TBC1D24: variants seen among roughly 807,000 people sequenced by gnomAD.
The protein encoded by TBC1D24 is TBC1 domain family member 24.
Under a neutral mutation model 50.7 loss-of-function variants are expected in TBC1D24, and 47 were observed. The observed-to-expected ratio is 0.93, with a 90% CI of 0.73 to 1.18. TBC1D24 has a LOEUF of 1.18. TBC1D24 is among the 50% of genes most tolerant of loss of function. The pLI, the probability that TBC1D24 is intolerant of heterozygous loss-of-function variation, is 0.00. For missense variants in TBC1D24, 688 were observed against 766.5 expected (o/e 0.90, Z 1.21); for synonymous variants, 324 against 335.2 (o/e 0.97, Z 0.36).
rs1324089934 is a variant in TBC1D24, at chr16:2,486,324, T to C, written c.-115-9710T>C. On this transcript the variant is annotated intron_variant, in intron 1 of 7. Transcript: ENST00000646147. The surrounding 1 kb of genome is among the most constrained non-coding windows in gnomAD (Gnocchi z 5.8). ...CGGCCTCATTTCCTCTTCCTCTTCA[T>C]TCCCGGTCCCACTCCCAGGAAATGG... Among the ~76,000 whole-genome samples the C allele has an allele frequency of 1.3e-5, 2 of 152,160 alleles. No homozygotes were observed. The highest frequency in any genetic ancestry group is 6.5e-5 in the Admixed American group (1 of 15,278).
chr16:2,501,889 T>G lies in TBC1D24; in HGVS notation c.*931T>G, dbSNP rs1164866728. 6.6e-6 allele frequency: 1 copy of G among 152,582 alleles called. No individual in the cohort carries two copies. Among genetic ancestry groups the G allele is most frequent in the Non-Finnish European group, 1.5e-5 (1 of 68,296 alleles). 9.5% of individuals were successfully genotyped at this position (152,582 alleles called of 1,614,324 possible). ...TCCAGCCCAGGCCTCCTTGAGCTCC[T>G]GTAGCCTCTGCAGCTGCCCATTTCA... is the stretch of plus-strand genomic sequence containing the variant. On this transcript the variant is annotated 3_prime_UTR_variant, in exon 8 of 8. Transcript: ENST00000646147.
chr16:2,499,812 C>T lies in TBC1D24; in HGVS notation c.1207-23C>T. 1 of 1,605,408 alleles carries T rather than the reference C, an allele frequency of 6.2e-7. No individual in the cohort carries two copies. On this transcript the variant is annotated intron_variant, in intron 5 of 7. Coordinates refer to ENST00000646147, the MANE Select transcript of TBC1D24 (RefSeq NM_001199107.2). This position sits in a 1 kb window ranked among gnomAD's most constrained non-coding sequence, Gnocchi z 4.0. The stretch of plus-strand genomic sequence containing the variant: ...CGCTCCTGGGGGCCTGCGGGCACAG[C>T]CTCACCCAGACCTTTCCCCCAGGTG...
chr16:2,489,092 G>C (rs1205806470), intron 1 of TBC1D24, among the ~76,000 whole-genome samples: 1 of 143,204 alleles, frequency 7.0e-6, no homozygotes, highest in Non-Finnish European at 1.5e-5. Context: ...AAACAAGAAA[G>C]AAATATTTGC....
rs2141877622 is a variant in TBC1D24 at position 2,500,583 on chromosome 16, G to C, written c.1525+93G>C. On this transcript the variant is annotated intron_variant, in intron 7 of 7. Transcript: ENST00000646147. The surrounding 1 kb of genome is among the most constrained non-coding windows in gnomAD (Gnocchi z 8.0). ...AGCCCTCCCTGACCGGGGTGGCAGA[G>C]AAGAGGCCCTGGGTGTCAGGGTGGA... 1.4e-6 allele frequency: 2 copies of C among 1,405,718 alleles called. No homozygotes were observed. The highest frequency in any genetic ancestry group is 2.6e-5 in the South Asian group (2 of 76,272). The allele number at this position is 1,405,718 out of a possible 1,614,324, so 87.1% of individuals were successfully genotyped here. A position where few individuals can be genotyped will look rare whatever the true frequency, so the allele number is the denominator to read the frequency against.
At chr16:2,495,100 C>T (rs921342290) in intron 1 of TBC1D24, among the ~76,000 whole-genome samples, 3 of 152,066 alleles carry the variant, frequency 2.0e-5, no homozygotes, top group Non-Finnish European at 2.9e-5. Flanking sequence ...CACTTGTAAT[C>T]CCAGCACTTT....
rs188124777 is a variant in TBC1D24 at position 2,498,282 on chromosome 16, A to C, written c.1028A>C (p.Glu343Ala). The change falls in exon 4 of 8, where the codon GAG (glutamate) becomes GCG (alanine). Residue 343 changes from glutamate to alanine, a missense_variant. Glu to Ala is a moderately radical substitution (Grantham distance 107). Coordinates refer to ENST00000646147, the MANE Select transcript of TBC1D24 (RefSeq NM_001199107.2). ...GTCCATGCAGAGAACTTCCGCTCGG[A>C]GATCGTCAGCGTGAGGGAGATGAGA... ...LAVHAENFRSEIVSVREMRDI... is the reference protein window; with the variant it reads ...LAVHAENFRSAIVSVREMRDI... 25 of 1,611,856 alleles carry C rather than the reference A, an allele frequency of 1.6e-5. No individual in the cohort carries two copies. In the East Asian group the frequency reaches 3.6e-4, roughly 23 times the overall value.
chr16:2,500,487 G>T lies in TBC1D24; in HGVS notation c.1522G>T (p.Val508Phe). 6.4e-7 allele frequency: 1 copy of T among 1,560,430 alleles called. No individual in the cohort carries two copies. ...GGCGGGGGGCAGCGACTGCCTCATC[G>T]TCGGTGAGCGCCAGCAGACGGGGCT... ...FMAGGSDCLI[V>F]GGGGGQALYI... Residue 508 changes from valine (V) to phenylalanine (F), a missense_variant, in exon 7 of 8, where the codon GTC becomes TTC. By Grantham distance (50) the Val-to-Phe change is conservative (BLOSUM62 -1). Transcript: ENST00000646147. The surrounding 1 kb of genome is among the most constrained non-coding windows in gnomAD (Gnocchi z 8.0).
In TBC1D24 at chr16:2,501,568, C is replaced by T. The variant is rs1277795526; in HGVS notation, c.*610C>T. 6.5e-6 allele frequency: 1 copy of T among 153,278 alleles called. No homozygotes were observed. Among genetic ancestry groups the T allele is most frequent in the East Asian group, 1.9e-4 (1 of 5,160 alleles). 9.5% of individuals were successfully genotyped at this position (153,278 alleles called of 1,614,324 possible). A position where few individuals can be genotyped will look rare whatever the true frequency, so the allele number is the denominator to read the frequency against. On this transcript the variant is annotated 3_prime_UTR_variant, in exon 8 of 8. Transcript: ENST00000646147. ...TCCTGGGCCACCTCTCACATTAACC[C>T]TTCTTGGCTGCCTCTGAGGCTCCCC...
intron 4 of TBC1D24, 58 bp downstream of exon 4, chr16:2,498,454 A>G: frequency 6.6e-7 from 1 of 1,516,150 alleles, no homozygotes; most frequent in Non-Finnish European, 8.9e-7. Context: ...TGTCCTGCCC[A>G]CAGAGGCTGG....
rs762804146 is a variant in TBC1D24 at position 2,496,421 on chromosome 16, G to A, written c.273G>A (p.Pro91=). 18 of 1,612,758 alleles carry A rather than the reference G, an allele frequency of 1.1e-5. No homozygotes were observed. The highest frequency in any genetic ancestry group is 5.3e-5 in the African/African-American group (4 of 74,940). Residue 91 remains proline, a synonymous_variant, in exon 2 of 8, where the codon CCG becomes CCA. Coordinates refer to ENST00000646147, the MANE Select transcript of TBC1D24 (RefSeq NM_001199107.2). ...IVGKHSSSCL[P]LPEFVDNTQV... ...GCAAGCACAGCAGCAGCTGCCTGCC[G>A]CTGCCCGAGTTCGTGGACAACACGC...
intron 1 of TBC1D24, chr16:2,481,589 G>A (rs2065610788): frequency 6.6e-6 from 1 of 152,214 alleles, no homozygotes; most frequent in South Asian, 2.1e-4. Context: ...CTCCTCCTGT[G>A]TCCTGGGGGT....
chr16:2,480,938 G>A (rs189073511), intron 1 of TBC1D24: 1 of 152,282 alleles, frequency 6.6e-6, no homozygotes, highest in Admixed American at 6.5e-5. Flanking sequence ...AAGTGTCTTA[G>A]TCAGAGCCCC....
At chr16:2,476,240 G>C (rs2065567117) in intron 1 of TBC1D24, among the ~76,000 whole-genome samples, 1 of 152,176 alleles carries the variant, frequency 6.6e-6, no homozygotes, top group Admixed American at 6.5e-5. Context: ...CGTCTTCACA[G>C]TCTGTCCTCA....
chr16:2,495,583 G>T (rs2141869916), intron 1 of TBC1D24, among the ~76,000 whole-genome samples: 1 of 152,326 alleles, frequency 6.6e-6, no homozygotes, highest in East Asian at 1.9e-4. Context: ...TTTGAGACCA[G>T]CCTGACCAAC....
intron 1 of TBC1D24, chr16:2,477,531 C>T (rs1321741997): frequency 6.6e-6 from 1 of 152,262 alleles, no homozygotes; most frequent in Non-Finnish European, 1.5e-5. Flanking sequence ...TGCCACTGCA[C>T]TCAAGCCAGG....
chr16:2,497,167 G>A (rs2065751014), intron 2 of TBC1D24, 54 bp downstream of exon 2: 1 of 1,596,556 alleles, frequency 6.3e-7, no homozygotes, highest in South Asian at 1.1e-5. Flanking sequence ...GCTGGGGCAG[G>A]ACGTGTCTGG....
chr16:2,500,800 G>T lies in TBC1D24; in HGVS notation c.1526-4G>T, dbSNP rs754707161. 5 of 1,602,342 alleles carry T rather than the reference G, an allele frequency of 3.1e-6. No homozygotes were observed. The South Asian group carries it at 4.4e-5, about 14-fold the overall frequency. On this transcript the variant is annotated splice_polypyrimidine_tract_variant and splice_region_variant and intron_variant, in intron 7 of 7. Transcript: ENST00000646147. The surrounding 1 kb of genome is among the most constrained non-coding windows in gnomAD (Gnocchi z 8.0). ...AGGCCGCCACTGACCTGAGCATCCT[G>T]CAGGGGGAGGAGGCGGCCAGGCGCT... is the stretch of plus-strand genomic sequence containing the variant.
chr16:2,497,485 C>G (rs374726446), intron 2 of TBC1D24, among the ~76,000 whole-genome samples: 181 of 152,300 alleles, frequency 1.2e-3, no homozygotes, highest in African/African-American at 4.1e-3. Flanking sequence ...GTGGCCTCCC[C>G]GCCTGGAGCA....
chr16:2,498,716 C>T (rs1303439545), intron 4 of TBC1D24, among the ~76,000 whole-genome samples: 1 of 152,242 alleles, frequency 6.6e-6, no homozygotes, highest in Non-Finnish European at 1.5e-5. Flanking sequence ...GCTCGCTCCC[C>T]ACCCTGTCAT....
Sources: gnomAD v4.1 joint callset for allele counts (sites outside exome capture counted in the v4.1 genomes callset) on GRCh38, gnomAD v4.1.1 for gene constraint, Gnocchi (gnomAD v3.1) non-coding constraint, MANE v1.5 for transcripts, NCBI Gene and HGNC (gene_info 2026-07-23, HGNC 2026-07-21) for gene names.